SSH2: variants seen among roughly 807,000 people sequenced by gnomAD.
SSH2 encodes slingshot protein phosphatase 2.
SSH2 carries 37 observed loss-of-function variants against 135.2 expected under a neutral mutation model. That is an observed-to-expected ratio of 0.27 (90% CI 0.21 to 0.36). The LOEUF is 0.36. SSH2 is among the 10% of genes least tolerant of loss of function. The pLI is 1.00. For synonymous variants in SSH2, 628 were observed against 646.2 expected, an observed-to-expected ratio of 0.97 and a Z score of 0.43; for missense variants, 1,408 against 1,765.3, an observed-to-expected ratio of 0.80 and a Z score of 3.63.
intron 3 of SSH2, among the ~76,000 whole-genome samples, chr17:29,761,881 A>T (rs1480996641): frequency 0.026 from 3,372 of 130,434 alleles, 90 homozygotes; most frequent in African/African-American, 0.058. Context: ...GTATATATAT[A>T]TATATATTTT....
intron 5 of SSH2, among the ~76,000 whole-genome samples, chr17:29,693,283 C>T (rs1046818689): frequency 6.6e-6 from 1 of 151,326 alleles, no homozygotes; most frequent in East Asian, 1.9e-4. Context: ...AATAGCATCC[C>T]CCCCGTTCCC....
At chr17:29,836,837 A>T (rs1453764372) in intron 2 of SSH2, among the ~76,000 whole-genome samples, 1 of 152,198 alleles carries the variant, frequency 6.6e-6, no homozygotes, top group Non-Finnish European at 1.5e-5. Context: ...GAATTTGTTA[A>T]ATTTACAACT....
In SSH2 at chr17:29,628,124, C is replaced by T. The variant is rs960749434; in HGVS notation, c.*2717G>A. 7.2e-5 allele frequency: 11 copies of T among 152,138 alleles called. No individual in the cohort carries two copies. The highest frequency in any genetic ancestry group is 1.9e-4 in the East Asian group (1 of 5,196). The allele number at this position is 152,138 out of a possible 1,614,324, so 9.4% of individuals were successfully genotyped here. A position where few individuals can be genotyped will look rare whatever the true frequency, so the allele number is the denominator to read the frequency against. On this transcript the variant is annotated 3_prime_UTR_variant, in exon 16 of 16. Transcript: ENST00000540801. ...CTGGAAAGTCCTTGACAGTTCACTG[C>T]GCACCTCCCCTGGACACTGCTCAGC...
chr17:29,733,927 T>C (rs2040282228), intron 3 of SSH2, among the ~76,000 whole-genome samples: 1 of 150,522 alleles, frequency 6.6e-6, no homozygotes, highest in Admixed American at 6.6e-5. Flanking sequence ...TTTTTTTTTT[T>C]TGAGATGGAG....
rs1298953805 is a variant in SSH2 at position 29,631,870 on chromosome 17, A to G, written c.3324T>C (p.Ser1108=). 1.2e-6 allele frequency: 2 copies of G among 1,614,092 alleles called. No homozygotes were observed. Among genetic ancestry groups the G allele is most frequent in the Non-Finnish European group, 1.7e-6 (2 of 1,180,040 alleles). The part of the protein sequence containing the change: ...LHPQVLPLPH[S]SSPEHNRPTD... ...TGGGTCTGTTGTGCTCAGGGGAGGA[A>G]GAATGAGGCAGAGGTAGCACTTGGG... The change falls in exon 16 of 16, where the codon TCT becomes TCC. Residue 1108 remains serine, a synonymous_variant. Coordinates refer to ENST00000540801, the MANE Select transcript of SSH2 (RefSeq NM_001282129.2).
intron 2 of SSH2, among the ~76,000 whole-genome samples, chr17:29,813,088 A>G (rs1291395354): frequency 1.3e-5 from 2 of 152,004 alleles, no homozygotes; most frequent in Non-Finnish European, 2.9e-5. Context: ...ATAAACACCA[A>G]TAAAAAAATG....
Position 29,695,482 on chromosome 17 carries a change from G to A in SSH2, c.334C>T (p.Arg112Cys), listed in dbSNP as rs1405518051. Reference protein sequence around the residue: ...QHLQAMFILLRPEDNIRLAVR... With the variant: ...QHLQAMFILLCPEDNIRLAVR... ...ACCAGCCTGATGTTGTCTTCTGGGC[G>A]GAGTAAAATGAACATTGCTTGGAGA... The change falls in exon 5 of 16, where the codon CGC becomes TGC. Residue 112 changes from arginine to cysteine, a missense_variant. Coordinates refer to ENST00000540801, the MANE Select transcript of SSH2 (RefSeq NM_001282129.2). The A allele has an allele frequency of 1.9e-6, 3 of 1,612,262 alleles. No individual in the cohort carries two copies. Among genetic ancestry groups the A allele is most frequent in the Non-Finnish European group, 2.5e-6 (3 of 1,179,216 alleles).
chr17:29,632,535 T>C lies in SSH2; in HGVS notation c.2659A>G (p.Lys887Glu). 6.2e-7 allele frequency: 1 copy of C among 1,614,210 alleles called. No individual in the cohort carries two copies. Among genetic ancestry groups the C allele is most frequent in the Non-Finnish European group, 8.5e-7 (1 of 1,180,028 alleles). Residue 887 changes from lysine (K) to glutamate (E), a missense_variant, in exon 16 of 16, where the codon AAG becomes GAG. Physicochemically the swap from Lys to Glu is moderately conservative, Grantham distance 56. Coordinates refer to ENST00000540801, the MANE Select transcript of SSH2 (RefSeq NM_001282129.2). ...CGCCTCACAGACCCAGGGTACCACT[T>C]GGCACCTGGGTGCATCCCTGAGCCC... ...LQGSGMHPGA[K>E]WYPGSVRRAT...
intron 8 of SSH2, among the ~76,000 whole-genome samples, chr17:29,674,540 T>C (rs962473746): frequency 7.2e-5 from 11 of 152,216 alleles, no homozygotes; most frequent in African/African-American, 2.7e-4. Flanking sequence ...ACTATCTTCC[T>C]GTGAAGGAAA....
intron 3 of SSH2, among the ~76,000 whole-genome samples, chr17:29,770,630 G>A (rs543989819): frequency 7.2e-5 from 11 of 151,828 alleles, no homozygotes; most frequent in Admixed American, 2.6e-4. Flanking sequence ...GCACCACCAC[G>A]CCCAGGTAAT....
chr17:29,814,451 AAAAAAG>A (rs2042517972), intron 2 of SSH2, among the ~76,000 whole-genome samples: 1 of 150,950 alleles, frequency 6.6e-6, no homozygotes, highest in African/African-American at 2.4e-5. Context: ...AAAAAAAAAA[AAAAAAG>A]AAAGTCATTT....
chr17:29,883,192 G>A (rs550980641), intron 1 of SSH2: 1 of 152,072 alleles, frequency 6.6e-6, no homozygotes, highest in Non-Finnish European at 1.5e-5. Flanking sequence ...ATGGTAAAAG[G>A]CTTCTATTAA....
At chr17:29,702,673 A>G (rs978761900) in intron 4 of SSH2, among the ~76,000 whole-genome samples, 5 of 152,210 alleles carry the variant, frequency 3.3e-5, no homozygotes, top group African/African-American at 1.2e-4. Context: ...AAAACAAAAC[A>G]AAACAACCCC....
chr17:29,843,041 T>C (rs2043070280), intron 2 of SSH2, among the ~76,000 whole-genome samples: 1 of 152,072 alleles, frequency 6.6e-6, no homozygotes, highest in African/African-American at 2.4e-5. Flanking sequence ...TCTGAAAAAA[T>C]AAACAGAAAA....
chr17:29,690,352 C>T (rs1036074204), intron 5 of SSH2, among the ~76,000 whole-genome samples: 4 of 151,056 alleles, frequency 2.6e-5, no homozygotes, highest in Non-Finnish European at 4.4e-5. Context: ...TTGTGGTGAG[C>T]CAAGATTGCG....
At chr17:29,681,269 A>C (rs1280620820) in intron 6 of SSH2, among the ~76,000 whole-genome samples, 1 of 122,494 alleles carries the variant, frequency 8.2e-6, no homozygotes, top group Non-Finnish European at 1.6e-5. Flanking sequence ...CAGGAGACGG[A>C]GGTTGCAGTG....
intron 4 of SSH2, among the ~76,000 whole-genome samples, chr17:29,696,011 A>G (rs986055908): frequency 6.6e-6 from 1 of 152,046 alleles, no homozygotes; most frequent in Non-Finnish European, 1.5e-5. Context: ...TTGACCTAGG[A>G]AGACTTTTGG....
intron 2 of SSH2, among the ~76,000 whole-genome samples, chr17:29,798,272 C>T (rs1424878118): frequency 6.6e-6 from 1 of 151,914 alleles, no homozygotes; most frequent in African/African-American, 2.4e-5. Flanking sequence ...GATTCTCCTG[C>T]CTCAGCCTCC....
intron 2 of SSH2, among the ~76,000 whole-genome samples, chr17:29,823,889 A>G (rs1297019406): frequency 1.3e-5 from 2 of 151,520 alleles, no homozygotes; most frequent in Admixed American, 1.3e-4. Context: ...AAAAAAAAAA[A>G]AAAAAAAAAA....
Sources: gnomAD v4.1 joint callset for allele counts (sites outside exome capture counted in the v4.1 genomes callset) on GRCh38, gnomAD v4.1.1 for gene constraint, MANE v1.5 for transcripts, NCBI Gene and HGNC (gene_info 2026-07-23, HGNC 2026-07-21) for gene names.